PALLD: variants seen among roughly 807,000 people sequenced by gnomAD.
The protein encoded by PALLD is palladin.
A neutral mutation model predicts 123.5 loss-of-function variants in PALLD; 61 were observed. The observed-to-expected ratio is 0.49, with a 90% CI of 0.40 to 0.61. PALLD has a LOEUF of 0.61. Ranked by LOEUF, PALLD falls within the 20% of genes least tolerant of loss-of-function variation. The probability of loss-of-function intolerance (pLI) is 0.00; values close to 1 mark genes in which losing one functional copy is unlikely to be tolerated. For synonymous variants in PALLD, 465 were observed against 496.4 expected (o/e 0.94, Z 0.84); for missense variants, 1,273 against 1,377.0 (o/e 0.92, Z 1.20).
At chr4:168,745,453 T>A in intron 10 of PALLD, among the ~76,000 whole-genome samples, 1 of 151,330 alleles carries the variant, frequency 6.6e-6, no homozygotes, top group Admixed American at 6.6e-5. Context: ...TGATTCATTC[T>A]CTTAAAAAGG....
At chr4:168,881,061 C>G (rs556118149) in intron 10 of PALLD, among the ~76,000 whole-genome samples, 1 of 152,068 alleles carries the variant, frequency 6.6e-6, no homozygotes, top group Non-Finnish European at 1.5e-5. Context: ...TGGGCCATCA[C>G]GTCCGTCTAG....
chr4:168,541,269 T>C (rs897651487), intron 2 of PALLD, among the ~76,000 whole-genome samples: 1 of 152,160 alleles, frequency 6.6e-6, no homozygotes, highest in Non-Finnish European at 1.5e-5. Flanking sequence ...GTTTCTTTAT[T>C]TTTGCTTTTT....
chr4:168,760,065 T>G (rs1223326116), intron 10 of PALLD, among the ~76,000 whole-genome samples: 1 of 151,072 alleles, frequency 6.6e-6, no homozygotes, highest in African/African-American at 2.5e-5. Flanking sequence ...AAAAAAAAAT[T>G]TATGTGCTGT....
chr4:168,580,173 C>T (rs947161676), intron 2 of PALLD, among the ~76,000 whole-genome samples: 3 of 151,602 alleles, frequency 2.0e-5, no homozygotes, highest in African/African-American at 7.3e-5. Context: ...TGTCCTCCAG[C>T]CTCATCAATG....
chr4:168,803,755 G>A (rs1236326200), intron 10 of PALLD, among the ~76,000 whole-genome samples: 5 of 152,116 alleles, frequency 3.3e-5, no homozygotes, highest in African/African-American at 4.8e-5. Flanking sequence ...TCTCTCATGC[G>A]CAGTAACCGT....
At chr4:168,888,906 T>C (rs1753743469) in intron 10 of PALLD, among the ~76,000 whole-genome samples, 1 of 151,762 alleles carries the variant, frequency 6.6e-6, no homozygotes, top group Non-Finnish European at 1.5e-5. Context: ...GCCTCAGGAG[T>C]GCATGGCATC....
chr4:168,768,450 A>G (rs1662816078), intron 10 of PALLD, among the ~76,000 whole-genome samples: 1 of 152,196 alleles, frequency 6.6e-6, no homozygotes, highest in Admixed American at 6.5e-5. Flanking sequence ...TGAAGGATAG[A>G]GGGAAGAAAC....
intron 10 of PALLD, among the ~76,000 whole-genome samples, chr4:168,806,875 T>C (rs546833443): frequency 1.3e-5 from 2 of 152,288 alleles, no homozygotes; most frequent in African/African-American, 4.8e-5. Flanking sequence ...TGTGTGTATA[T>C]ATATATACAC....
chr4:168,506,552 T>C (rs574341544), intron 1 of PALLD, among the ~76,000 whole-genome samples: 16 of 152,302 alleles, frequency 1.1e-4, no homozygotes, highest in African/African-American at 3.4e-4. Flanking sequence ...GACCTATAAA[T>C]CATCCCCGCT....
intron 10 of PALLD, among the ~76,000 whole-genome samples, chr4:168,733,381 T>C (rs1312201380): frequency 6.6e-6 from 1 of 152,188 alleles, no homozygotes. Context: ...ATGTTTTCTC[T>C]TCCTTTTAAG....
chr4:168,896,659 C>A, intron 13 of PALLD, 60 bp downstream of exon 13: 1 of 930,126 alleles, frequency 1.1e-6, no homozygotes, highest in Non-Finnish European at 1.7e-6. Flanking sequence ...TTCTTCTGTT[C>A]TTCCTGTTTT....
rs34003798 is a variant in PALLD, at chr4:168,816,413, A to ATATATATATT, written c.1965-74508_1965-74507insATATATATTT. On this transcript the variant is annotated intron_variant, in intron 10 of 21. Transcript: ENST00000505667. ...TGTATATATATATATATATATATAT[A>ATATATATATT]TTTTTTTTAAGTATTAGATTGGAGT... Among the ~76,000 whole-genome samples, 5 of 136,002 alleles carry ATATATATATT rather than the reference A, an allele frequency of 3.7e-5. No homozygotes were observed. The East Asian group carries it at 6.5e-4, about 18-fold the overall frequency. 89.2% of individuals were successfully genotyped at this position (136,002 alleles called of 152,430 possible).
intron 10 of PALLD, chr4:168,864,575 C>T (rs369898681): frequency 2.0e-5 from 3 of 152,114 alleles, no homozygotes; most frequent in East Asian, 1.9e-4. Flanking sequence ...TGGCTTTTTC[C>T]GTTGTTTAAA....
At chr4:168,880,680 T>C (rs933477238) in intron 10 of PALLD, among the ~76,000 whole-genome samples, 70 of 152,250 alleles carry the variant, frequency 4.6e-4, no homozygotes, top group African/African-American at 1.6e-3. Context: ...GCCATGACTT[T>C]GGCATCCTGG....
chr4:168,679,110 GT>G (rs1781205017), intron 3 of PALLD, among the ~76,000 whole-genome samples: 3 of 137,374 alleles, frequency 2.2e-5, no homozygotes, highest in Non-Finnish European at 3.2e-5. Context: ...TATGGTGGGT[GT>G]GTGTGTGTGT....
chr4:168,745,840 G>A (rs1328388268), intron 10 of PALLD, among the ~76,000 whole-genome samples: 2 of 152,302 alleles, frequency 1.3e-5, no homozygotes, highest in East Asian at 1.9e-4. Flanking sequence ...AGCTTTGGGT[G>A]CTTGAGGACT....
intron 17 of PALLD, among the ~76,000 whole-genome samples, chr4:168,918,876 A>G (rs546136375): frequency 4.6e-5 from 7 of 152,334 alleles, no homozygotes; most frequent in Non-Finnish European, 7.3e-5. Flanking sequence ...TATTTTAAAT[A>G]GATAATTAGA....
chr4:168,595,956 A>C (rs1039273267), intron 2 of PALLD, among the ~76,000 whole-genome samples: 7 of 152,172 alleles, frequency 4.6e-5, no homozygotes, highest in African/African-American at 9.6e-5. Context: ...AAAAAAAAAA[A>C]AAAACAGAAT....
chr4:168,745,424 G>T (rs899323705), intron 10 of PALLD, among the ~76,000 whole-genome samples: 13 of 78,914 alleles, frequency 1.6e-4, no homozygotes, highest in East Asian at 8.6e-4. Flanking sequence ...TCTGTGAGAT[G>T]GGAGGGGGGG....
Sources: gnomAD v4.1 joint callset for allele counts (sites outside exome capture counted in the v4.1 genomes callset) on GRCh38, gnomAD v4.1.1 for gene constraint, MANE v1.5 for transcripts, NCBI Gene and HGNC (gene_info 2026-07-23, HGNC 2026-07-21) for gene names.